The following TECPR2 variants were observed in gnomAD, a reference collection of about 807,000 sequenced individuals.
The protein encoded by TECPR2 is tectonin beta-propeller repeat-containing protein 2.
Under a neutral mutation model 138.1 loss-of-function variants are expected in TECPR2, and 65 were observed. The ratio of observed to expected loss-of-function variants is 0.47; its 90% CI spans 0.39 to 0.58. The LOEUF (loss-of-function observed/expected upper bound fraction) is 0.58, where lower values mean the gene tolerates loss of function less well. Among genes scored for constraint, TECPR2 ranks in the 20% least tolerant of loss-of-function variants. The pLI is 0.00. For synonymous variants in TECPR2, 746 were observed against 749.8 expected (o/e 0.99, Z 0.08); for missense variants, 1,553 against 1,824.5 (o/e 0.85, Z 2.71).
At chr14:102,473,436 T>G (rs1278055779) in intron 17 of TECPR2, among the ~76,000 whole-genome samples, 1 of 152,258 alleles carries the variant, frequency 6.6e-6, no homozygotes, top group Non-Finnish European at 1.5e-5. Flanking sequence ...TTGATTATGT[T>G]CTACATCTTT....
chr14:102,483,430 T>G (rs958511532), intron 17 of TECPR2, among the ~76,000 whole-genome samples: 2 of 138,932 alleles, frequency 1.4e-5, no homozygotes, highest in Non-Finnish European at 3.1e-5. Context: ...TTTGTTGTTG[T>G]GGGGTTTTGT....
intron 15 of TECPR2, among the ~76,000 whole-genome samples, chr14:102,451,799 C>G (rs996094596): frequency 3.0e-4 from 45 of 152,060 alleles, no homozygotes; most frequent in African/African-American, 1.1e-3. Context: ...ATCTGTTAAA[C>G]CTAAAGGACT....
In TECPR2 at chr14:102,502,133, A is replaced by C. The variant is rs948622312; in HGVS notation, c.*3876A>C. ...CAGCTATTAAGAAGCACGTGTGTGC[A>C]GGAAGCGGAGGCGCAGGACCTCACC... On this transcript the variant is annotated 3_prime_UTR_variant, in exon 20 of 20. Transcript: ENST00000359520. 6.6e-6 allele frequency: 1 copy of C among 152,290 alleles called. No individual in the cohort carries two copies. Among genetic ancestry groups the C allele is most frequent in the Non-Finnish European group, 1.5e-5 (1 of 68,050 alleles). The allele number at this position is 152,290 out of a possible 1,614,324, so 9.4% of individuals were successfully genotyped here. A position where few individuals can be genotyped will look rare whatever the true frequency, so the allele number is the denominator to read the frequency against.
chr14:102,434,116 T>C, intron 8 of TECPR2, 119 bp from the exon 9 acceptor site: 1 of 919,708 alleles, frequency 1.1e-6, no homozygotes, highest in Non-Finnish European at 1.4e-6. Context: ...TTATTCTTCA[T>C]TCACCAAATA....
chr14:102,465,559 A>T (rs1464264893), intron 17 of TECPR2: 1 of 1,151,904 alleles, frequency 8.7e-7, no homozygotes, highest in Non-Finnish European at 1.1e-6. Context: ...TTGACTTTTT[A>T]CTAAGTGAAT....
At chr14:102,483,618 A>AT (rs1206998084) in intron 17 of TECPR2, among the ~76,000 whole-genome samples, 1 of 150,624 alleles carries the variant, frequency 6.6e-6, no homozygotes, top group Non-Finnish European at 1.5e-5. Context: ...TTTTTTTATT[A>AT]TTTTTTGTAG....
chr14:102,431,671 T>A (rs1889495637), intron 7 of TECPR2, 125 bp from the exon 8 acceptor site: 2 of 996,762 alleles, frequency 2.0e-6, no homozygotes, highest in Admixed American at 4.8e-5. Context: ...GAATTTAGAA[T>A]CATTCAGTTC....
chr14:102,383,972 G>T (rs1370171783), intron 2 of TECPR2, among the ~76,000 whole-genome samples: 1 of 149,772 alleles, frequency 6.7e-6, no homozygotes, highest in Non-Finnish European at 1.5e-5. Flanking sequence ...CTAGCCTGGA[G>T]TGCAGTGGCG....
chr14:102,383,589 G>A (rs1476505308), intron 2 of TECPR2, among the ~76,000 whole-genome samples: 1 of 151,778 alleles, frequency 6.6e-6, no homozygotes, highest in African/African-American at 2.4e-5. Flanking sequence ...TGTATTTTTA[G>A]TAGAGACAGG....
chr14:102,385,606 C>T (rs562746296), intron 2 of TECPR2, among the ~76,000 whole-genome samples: 124 of 152,118 alleles, frequency 8.2e-4, no homozygotes, highest in African/African-American at 2.8e-3. Context: ...GGATCCAGCA[C>T]CATAGAAGGG....
rs76936673 is a variant in TECPR2, at chr14:102,384,216, G to A, written c.219+7276G>A. ...TTACGGGTGTGAGCCACTGCATCCG[G>A]CCGGAAGTTGTTTTTATTTTTTTAC... On this transcript the variant is annotated intron_variant, in intron 2 of 19. Transcript: ENST00000359520. Among the ~76,000 whole-genome samples the A allele has an allele frequency of 9.2e-3, 1,398 of 152,130 alleles. 21 individuals carry two copies. The highest frequency in any genetic ancestry group is 0.031 in the African/African-American group (1,303 of 41,510).
intron 2 of TECPR2, among the ~76,000 whole-genome samples, chr14:102,403,211 G>A (rs2139688159): frequency 1.3e-5 from 2 of 152,298 alleles, no homozygotes; most frequent in Middle Eastern, 3.4e-3. Flanking sequence ...TATATTTCTG[G>A]AATGCAAGGA....
intron 18 of TECPR2, 83 bp downstream of exon 18, chr14:102,497,203 G>A (rs1438006869): frequency 6.6e-6 from 10 of 1,520,760 alleles, no homozygotes; most frequent in South Asian, 2.5e-5. Context: ...CCTCCAGGCC[G>A]CTGTCTGTGA....
At chr14:102,377,449 C>T (rs1887670905) in intron 2 of TECPR2, among the ~76,000 whole-genome samples, 1 of 152,188 alleles carries the variant, frequency 6.6e-6, no homozygotes, top group Non-Finnish European at 1.5e-5. Flanking sequence ...CATGAGCCAC[C>T]ACACCTGGCC....
At chr14:102,446,652 A>C (rs1889987364) in intron 13 of TECPR2, among the ~76,000 whole-genome samples, 1 of 152,148 alleles carries the variant, frequency 6.6e-6, no homozygotes, top group African/African-American at 2.4e-5. Flanking sequence ...CCGCCTCCCA[A>C]AGTGCTGGGA....
At chr14:102,407,745 C>T (rs1224221932) in intron 3 of TECPR2, among the ~76,000 whole-genome samples, 1 of 152,114 alleles carries the variant, frequency 6.6e-6, no homozygotes, top group Non-Finnish European at 1.5e-5. Flanking sequence ...GCCTGTAATC[C>T]CAGCACTTTG....
intron 17 of TECPR2, among the ~76,000 whole-genome samples, chr14:102,488,617 T>C (rs1724966962): frequency 6.6e-6 from 1 of 152,088 alleles, no homozygotes; most frequent in African/African-American, 2.4e-5. Flanking sequence ...GTGCTGGGAT[T>C]ACAGGCATGA....
intron 17 of TECPR2, chr14:102,465,573 AT>A (rs1312766444): frequency 1.8e-6 from 2 of 1,112,446 alleles, no homozygotes; most frequent in African/African-American, 1.6e-5. Context: ...AGTGAATATT[AT>A]TTTTTAAATC....
intron 4 of TECPR2, among the ~76,000 whole-genome samples, chr14:102,411,349 C>T (rs868295517): frequency 8.6e-5 from 13 of 151,530 alleles, no homozygotes; most frequent in Non-Finnish European, 1.3e-4. Flanking sequence ...CGTACGTATA[C>T]GCCCAGATGG....
Sources: gnomAD v4.1 joint callset for allele counts (sites outside exome capture counted in the v4.1 genomes callset) on GRCh38, gnomAD v4.1.1 for gene constraint, MANE v1.5 for transcripts, NCBI Gene and HGNC (gene_info 2026-07-23, HGNC 2026-07-21) for gene names.